Variants in HOXA3 observed in about 807,000 individuals in gnomAD.
HOXA3 encodes the protein homeobox A3.
HOXA3 carries 8 observed loss-of-function variants against 30.3 expected under a neutral mutation model. That is an observed-to-expected ratio of 0.26 (90% confidence interval 0.15 to 0.48). HOXA3 has a LOEUF of 0.48. HOXA3 is among the 20% of genes least tolerant of loss of function. HOXA3 has a pLI of 0.99. For missense variants in HOXA3, 653 were observed against 614.4 expected (o/e 1.06, Z -0.66); for synonymous variants, 323 against 273.1 (o/e 1.18, Z -1.80).
chr7:27,110,686 C>T lies in HOXA3; in HGVS notation c.-46G>A. The stretch of plus-strand genomic sequence containing the variant: ...ATCGCACACTCTGACAGGGGTTTGA[C>T]ACCCGTGAGGGCGCACATTGGCACG... On this transcript the variant is annotated 5_prime_UTR_variant, in exon 5 of 6. Transcript: ENST00000612286. The T allele has an allele frequency of 6.3e-7, 1 of 1,587,674 alleles. No homozygotes were observed. The highest frequency in any genetic ancestry group is 1.3e-5 in the African/African-American group (1 of 74,620).
intron 2 of HOXA3, among the ~76,000 whole-genome samples, chr7:27,137,335 C>G (rs1785745098): frequency 6.6e-6 from 1 of 152,122 alleles, no homozygotes; most frequent in Admixed American, 6.5e-5. Context: ...TAAGTGTGAC[C>G]AGAAGCTTCC....
chr7:27,117,677 CT>C (rs371470453), intron 4 of HOXA3, among the ~76,000 whole-genome samples: 160 of 152,328 alleles, frequency 1.1e-3, no homozygotes, highest in Middle Eastern at 6.8e-3. Context: ...GCTGCTCCGG[CT>C]GCTCAGGTCA....
rs973341184 is a variant in HOXA3 at position 27,110,188 on chromosome 7, C to T, written c.453G>A (p.Val151=). 4 of 1,614,080 alleles carry T rather than the reference C, an allele frequency of 2.5e-6. No individual in the cohort carries two copies. Among genetic ancestry groups the T allele is most frequent in the Admixed American group, 3.3e-5 (2 of 60,020 alleles). The part of the protein sequence containing the change: ...AKSPLLNSPT[V]AKQIFPWMKE... ...TCATCCAGGGGAAGATTTGTTTGGC[C>T]ACTGTGGGTGAGTTGAGCAGGGGGC... Residue 151 remains valine, a synonymous_variant, in exon 5 of 6, where the codon GTG becomes GTA. Transcript: ENST00000612286.
chr7:27,147,477 C>G (rs1782811631), intron 1 of HOXA3: 3 of 1,613,888 alleles, frequency 1.9e-6, no homozygotes, highest in Non-Finnish European at 2.5e-6. Flanking sequence ...TGCCACTGCC[C>G]GAGGGCGAGG....
intron 1 of HOXA3, chr7:27,150,131 G>C (rs1000079925): frequency 6.6e-6 from 1 of 151,934 alleles, no homozygotes; most frequent in Non-Finnish European, 1.5e-5. Flanking sequence ...GCCAAGGCTA[G>C]TGCATATCAT....
chr7:27,116,729 A>G (rs1784746854), intron 4 of HOXA3: 1 of 152,224 alleles, frequency 6.6e-6, no homozygotes. Flanking sequence ...AACTGGGTCA[A>G]AAATGCGCCA....
chr7:27,108,482 C>A lies in HOXA3; in HGVS notation c.765G>T (p.Met255Ile). ...GAGACTGGCCCCCCGATGACGTTAG[C>A]ATGCCCTTGCCCTTCTGATCCTTTT... ...KYKKDQKGKG[M>I]LTSSGGQSPS... Residue 255 changes from methionine (M) to isoleucine (I), a missense_variant, in exon 6 of 6, where the codon ATG (methionine) becomes ATT (isoleucine). Met to Ile is a conservative substitution (Grantham distance 10). This residue lies in a region of HOXA3 where 330 missense variants were observed against 274.4 expected (regional missense o/e 1.20). Transcript: ENST00000612286. The surrounding 1 kb of genome is among the most constrained non-coding windows in gnomAD (Gnocchi z 5.0). The A allele has an allele frequency of 6.2e-7, 1 of 1,614,138 alleles. No homozygotes were observed. The highest frequency in any genetic ancestry group is 8.5e-7 in the Non-Finnish European group (1 of 1,179,992).
chr7:27,127,785 G>C (rs569057018), intron 2 of HOXA3, among the ~76,000 whole-genome samples: 2 of 152,316 alleles, frequency 1.3e-5, no homozygotes, highest in Admixed American at 6.5e-5. Context: ...AAGTGACCCA[G>C]TTTGGCTATT....
chr7:27,145,948 G>A (rs1782746292), intron 1 of HOXA3: 1 of 1,599,438 alleles, frequency 6.3e-7, no homozygotes, highest in South Asian at 1.1e-5. Context: ...GCGCCGGTAA[G>A]CCAGGGCCTG....
rs770893814 is a variant in HOXA3 at position 27,108,145 on chromosome 7, C to G, written c.1102G>C (p.Gly368Arg). ...CTCATGGGCTCCACATAGCTGCCCC[C>G]CACGAAGACGGGGCTTCCCTGTATG... Reference protein sequence around the residue: ...PHIQGSPVFVGGSYVEPMSNS... With the variant: ...PHIQGSPVFVRGSYVEPMSNS... The change falls in exon 6 of 6, where the codon GGG (glycine) becomes CGG (arginine). Residue 368 changes from glycine (G) to arginine (R), a missense_variant. Gly to Arg is a moderately radical substitution (Grantham distance 125). Coordinates refer to ENST00000612286, the MANE Select transcript of HOXA3 (RefSeq NM_153631.3). This position sits in a 1 kb window ranked among gnomAD's most constrained non-coding sequence, Gnocchi z 5.0. 1 of 1,587,630 alleles carries G rather than the reference C, an allele frequency of 6.3e-7. No individual in the cohort carries two copies. Among genetic ancestry groups the G allele is most frequent in the South Asian group, 1.1e-5 (1 of 89,544 alleles).
At chr7:27,132,547 C>T (rs938771542) in intron 2 of HOXA3, among the ~76,000 whole-genome samples, 3 of 152,154 alleles carry the variant, frequency 2.0e-5, no homozygotes, top group African/African-American at 7.2e-5. Flanking sequence ...AGATTTTCCA[C>T]GTTAGGTGTA....
chr7:27,127,918 T>G (rs929249), intron 2 of HOXA3, among the ~76,000 whole-genome samples: 1 of 152,074 alleles, frequency 6.6e-6, no homozygotes, highest in South Asian at 2.1e-4. Context: ...TTGAAAGCTC[T>G]TTCTTCAAAA....
At chr7:27,129,284 G>A (rs1785412495) in intron 2 of HOXA3, 1 of 1,614,032 alleles carries the variant, frequency 6.2e-7, no homozygotes, top group Non-Finnish European at 8.5e-7. Context: ...TGGAGGTGTG[G>A]GCTCTGAGTT....
intron 1 of HOXA3, among the ~76,000 whole-genome samples, chr7:27,151,861 G>A (rs1484639255): frequency 6.6e-6 from 1 of 152,170 alleles, no homozygotes; most frequent in African/African-American, 2.4e-5. Context: ...AAACCAAATA[G>A]GGCCATGAAT....
Position 27,143,077 on chromosome 7 carries a change from G to A in HOXA3, c.-493-2891C>T, listed in dbSNP as rs778055930. 7.8e-6 allele frequency: 12 copies of A among 1,547,208 alleles called. No individual in the cohort carries two copies. The Admixed American group carries it at 8.4e-5, about 11-fold the overall frequency. On this transcript the variant is annotated intron_variant, in intron 1 of 5. Coordinates refer to ENST00000612286, the MANE Select transcript of HOXA3 (RefSeq NM_153631.3). ...TTATGTGCAGCTTGCGCATCCAGGGGTAGATCTGGGGTTGGGCGGGCGGCG... is the reference window on the plus strand; with the variant it reads ...TTATGTGCAGCTTGCGCATCCAGGGATAGATCTGGGGTTGGGCGGGCGGCG...
At chr7:27,121,214 T>TGTGC (rs1179539211) in intron 4 of HOXA3, 5 of 89,500 alleles carry the variant, frequency 5.6e-5, no homozygotes, top group Non-Finnish European at 8.4e-5. Flanking sequence ...CTTAGCCCAC[T>TGTGC]GTGTGCGTGT....
At chr7:27,137,243 A>AAGCAGGGGAAAG (rs757412094) in intron 2 of HOXA3, among the ~76,000 whole-genome samples, 11 of 152,310 alleles carry the variant, frequency 7.2e-5, no homozygotes, top group Non-Finnish European at 1.0e-4. Flanking sequence ...GCCAACAATG[A>AAGCAGGGGAAAG]AGCAGGGGAA....
intron 4 of HOXA3, among the ~76,000 whole-genome samples, chr7:27,120,003 A>C (rs1183273649): frequency 6.6e-6 from 1 of 152,124 alleles, no homozygotes; most frequent in African/African-American, 2.4e-5. Flanking sequence ...GGACAGGAGT[A>C]GAAGCTGGTT....
intron 2 of HOXA3, chr7:27,130,928 C>G (rs1785533561): frequency 3.2e-6 from 2 of 623,684 alleles, no homozygotes; most frequent in African/African-American, 3.7e-5. Flanking sequence ...CTCCCCAGCC[C>G]AGCGCGCGCC....
Sources: allele counts gnomAD v4.1 joint callset (sites outside exome capture counted in the v4.1 genomes callset), GRCh38; gene constraint gnomAD v4.1.1; regional missense constraint gnomAD v4.1.1; non-coding constraint Gnocchi (gnomAD v3.1); transcripts MANE v1.5; gene names NCBI Gene and HGNC (gene_info 2026-07-23, HGNC 2026-07-21).